PTPRG: variants seen among roughly 807,000 people sequenced by gnomAD.
PTPRG encodes receptor-type tyrosine-protein phosphatase gamma.
In PTPRG, 102 loss-of-function variants were observed where a neutral mutation model predicts 165.3. The observed-to-expected ratio is 0.62, with a 90% CI of 0.53 to 0.73. The LOEUF (loss-of-function observed/expected upper bound fraction) is 0.73, where lower values mean the gene tolerates loss of function less well. Ranked by LOEUF, PTPRG falls within the 30% of genes least tolerant of loss-of-function variation. The pLI is 0.00. For missense variants in PTPRG, 1,866 were observed against 1,861.4 expected, an observed-to-expected ratio of 1.00 and a Z score of -0.05; for synonymous variants, 675 against 669.5, an observed-to-expected ratio of 1.01 and a Z score of -0.13.
At chr3:61,942,379 A>T (rs1258399990) in intron 2 of PTPRG, among the ~76,000 whole-genome samples, 1 of 152,208 alleles carries the variant, frequency 6.6e-6, no homozygotes, top group Non-Finnish European at 1.5e-5. Context: ...TATTTTCTTC[A>T]TATACCTATT....
At chr3:62,194,989 G>A (rs1339343245) in intron 9 of PTPRG, 73 bp from the exon 10 acceptor site, 2 of 1,418,604 alleles carry the variant, frequency 1.4e-6, no homozygotes, top group African/African-American at 1.4e-5. Flanking sequence ...CGGCACTCAG[G>A]TTTGGCTTTA....
At position 61,742,828 on chromosome 3, in the gene PTPRG, T is replaced by A. The variant is rs552879611; in HGVS notation, c.86-6050T>A. The A allele has an allele frequency of 4.4e-6, 7 of 1,601,576 alleles. No individual in the cohort carries two copies. In the East Asian group the frequency reaches 1.1e-4, roughly 26 times the overall value. ...CTTCTTGACCAGTTTTTTATTCTTT[T>A]TGAGTTTTTTCAGCGCCTCGATGTC... On this transcript the variant is annotated intron_variant, in intron 1 of 29. Transcript: ENST00000474889.
chr3:61,641,225 C>T (rs1702050393), intron 1 of PTPRG, among the ~76,000 whole-genome samples: 1 of 152,110 alleles, frequency 6.6e-6, no homozygotes. Flanking sequence ...GATTTCCTCC[C>T]CCTCCCTCCC....
chr3:61,589,009 G>A (rs768225216), intron 1 of PTPRG, among the ~76,000 whole-genome samples: 1 of 152,128 alleles, frequency 6.6e-6, no homozygotes, highest in South Asian at 2.1e-4. Context: ...GCAAATCATA[G>A]CCTGGGACCA....
At chr3:61,751,863 G>A (rs1332883775) in intron 2 of PTPRG, among the ~76,000 whole-genome samples, 1 of 152,042 alleles carries the variant, frequency 6.6e-6, no homozygotes, top group African/African-American at 2.4e-5. Flanking sequence ...CGTAGCGGTG[G>A]GCGCCTGTAG....
rs78185292 is a variant in PTPRG, at chr3:61,705,619, G to A, written c.86-43259G>A. ...TGTGCAATAAAGAAGAGTCATTGATGTTAAATGAATCAGGTGTTATGGGCC... is the reference window on the plus strand; with the variant it reads ...TGTGCAATAAAGAAGAGTCATTGATATTAAATGAATCAGGTGTTATGGGCC... On this transcript the variant is annotated intron_variant, in intron 1 of 29. Coordinates refer to ENST00000474889, the MANE Select transcript of PTPRG (RefSeq NM_002841.4). 3.9e-3 allele frequency among the ~76,000 whole-genome samples: 599 copies of A among 152,334 alleles called. 6 individuals are homozygous for A. The highest frequency in any genetic ancestry group is 0.014 in the African/African-American group (571 of 41,578).
intron 4 of PTPRG, among the ~76,000 whole-genome samples, chr3:62,070,821 C>T (rs1408705981): frequency 1.3e-5 from 2 of 152,066 alleles, no homozygotes; most frequent in Non-Finnish European, 1.5e-5. Flanking sequence ...TTCTTGTCCA[C>T]CACCACGTTC....
intron 3 of PTPRG, among the ~76,000 whole-genome samples, chr3:61,990,589 C>T (rs1308657513): frequency 6.6e-6 from 1 of 152,206 alleles, no homozygotes; most frequent in Non-Finnish European, 1.5e-5. Context: ...TGCTGTGCTC[C>T]ACTGTACGAT....
intron 4 of PTPRG, among the ~76,000 whole-genome samples, chr3:62,019,758 G>A (rs1318394142): frequency 6.6e-6 from 1 of 152,032 alleles, no homozygotes; most frequent in African/African-American, 2.4e-5. Context: ...TGCCATGAAT[G>A]TGTACAATTT....
chr3:62,084,673 G>A (rs1357212096), intron 5 of PTPRG, among the ~76,000 whole-genome samples: 1 of 152,116 alleles, frequency 6.6e-6, no homozygotes, highest in East Asian at 1.9e-4. Flanking sequence ...TCCAGGGCTG[G>A]CGAGGAAGCC....
Position 61,964,323 on chromosome 3 carries a change from G to T in PTPRG, c.191-25302G>T, listed in dbSNP as rs1405112390. 3.3e-5 allele frequency among the ~76,000 whole-genome samples: 5 copies of T among 152,328 alleles called. No homozygotes were observed. In the South Asian group the frequency reaches 1.0e-3, roughly 32 times the overall value. The stretch of plus-strand genomic sequence containing the variant: ...AAATTAATCAGTAATCTTCACTGAA[G>T]TATAAAGTGTGAATGAGGCGGGAAA... On this transcript the variant is annotated intron_variant, in intron 2 of 29. Coordinates refer to ENST00000474889, the MANE Select transcript of PTPRG (RefSeq NM_002841.4).
intron 8 of PTPRG, 151 bp from the exon 9 acceptor site, chr3:62,191,318 A>G: frequency 1.6e-6 from 1 of 626,580 alleles, no homozygotes; most frequent in East Asian, 2.8e-5. Context: ...CTCTCTCTCT[A>G]CACACACAAT....
intron 2 of PTPRG, among the ~76,000 whole-genome samples, chr3:61,819,928 A>G (rs188507732): frequency 3.9e-5 from 6 of 152,268 alleles, no homozygotes; most frequent in East Asian, 1.9e-4. Context: ...AGTTGGGAAA[A>G]TGTATGTGAA....
chr3:62,158,996 C>G (rs908835980), intron 7 of PTPRG, among the ~76,000 whole-genome samples: 6 of 151,338 alleles, frequency 4.0e-5, no homozygotes, highest in Non-Finnish European at 5.9e-5. Context: ...TTTTCAAGAT[C>G]CTTTTTTGTC....
rs1419173085 is a variant in PTPRG at position 62,273,072 on chromosome 3, C to G, written c.3309C>G (p.Val1103=). 1 of 1,611,530 alleles carries G rather than the reference C, an allele frequency of 6.2e-7. No homozygotes were observed. ...TCAGGACACAGCGTAACTACCTCGT[C>G]CAGACTGAGGTAAGGAGTAGCTGCC... is the stretch of plus-strand genomic sequence containing the variant. ...KHIRTQRNYL[V]QTEEQYIFIH... The change falls in exon 22 of 30, where the codon GTC becomes GTG. Residue 1103 remains valine (V), a synonymous_variant. Coordinates refer to ENST00000474889, the MANE Select transcript of PTPRG (RefSeq NM_002841.4). The surrounding 1 kb of genome is among the most constrained non-coding windows in gnomAD (Gnocchi z 4.1).
chr3:62,066,998 A>T (rs1452434826), intron 4 of PTPRG, among the ~76,000 whole-genome samples: 1 of 145,984 alleles, frequency 6.9e-6, no homozygotes, highest in Non-Finnish European at 1.5e-5. Context: ...AGATCACGCC[A>T]CTGCACTCCA....
chr3:61,799,013 C>T (rs745705576), intron 2 of PTPRG, among the ~76,000 whole-genome samples: 1 of 151,836 alleles, frequency 6.6e-6, no homozygotes, highest in African/African-American at 2.4e-5. Context: ...CTGTTAGGGA[C>T]ATAAACATTA....
intron 2 of PTPRG, among the ~76,000 whole-genome samples, chr3:61,884,299 T>C (rs1162982661): frequency 6.6e-6 from 1 of 152,202 alleles, no homozygotes; most frequent in East Asian, 1.9e-4. Context: ...CACTTTAATA[T>C]GAAGGCACAT....
At chr3:61,826,179 A>G (rs2036104230) in intron 2 of PTPRG, among the ~76,000 whole-genome samples, 1 of 152,142 alleles carries the variant, frequency 6.6e-6, no homozygotes, top group Non-Finnish European at 1.5e-5. Flanking sequence ...TAGTAGGGAG[A>G]AGCCTCCTGA....
Sources: allele counts gnomAD v4.1 joint callset (sites outside exome capture counted in the v4.1 genomes callset), GRCh38; gene constraint gnomAD v4.1.1; non-coding constraint Gnocchi (gnomAD v3.1); transcripts MANE v1.5; gene names NCBI Gene and HGNC (gene_info 2026-07-23, HGNC 2026-07-21).